UCMA: variants seen among roughly 807,000 people sequenced by gnomAD.
The protein encoded by UCMA is upper zone of growth plate and cartilage matrix-associated protein.
A neutral mutation model predicts 21.8 loss-of-function variants in UCMA; 21 were observed. The observed-to-expected ratio is 0.97, with a 90% confidence interval of 0.68 to 1.39. The LOEUF (loss-of-function observed/expected upper bound fraction) is 1.39, where lower values mean the gene tolerates loss of function less well. UCMA is among the 40% of genes most tolerant of loss of function. The probability of loss-of-function intolerance (pLI) is 0.00; values close to 1 mark genes in which losing one functional copy is unlikely to be tolerated. For synonymous variants in UCMA, 76 were observed against 67.9 expected (o/e 1.12, Z -0.58); for missense variants, 193 against 178.9 (o/e 1.08, Z -0.45).
At chr10:13,234,061 G>T in intron 1 of UCMA, 140 bp downstream of exon 1, 3 of 719,984 alleles carry the variant, frequency 4.2e-6, no homozygotes, top group African/African-American at 1.8e-5. Context: ...TGTCCTACAT[G>T]CACACGACAC....
Position 13,222,215 on chromosome 10 carries a change from C to G in UCMA, c.320-15G>C, listed in dbSNP as rs1834767393. The G allele has an allele frequency of 1.2e-6, 2 of 1,612,482 alleles. No homozygotes were observed. The highest frequency in any genetic ancestry group is 1.7e-6 in the Non-Finnish European group (2 of 1,179,420). On this transcript the variant is annotated splice_polypyrimidine_tract_variant and intron_variant, in intron 4 of 4. Transcript: ENST00000378681. Reference sequence around the variant, plus strand: ...CTCTTCCTGCTCTGGGGAGGAAAGACAAAGCCACCTGTTAGGACAGGGGGA... The same window carrying G: ...CTCTTCCTGCTCTGGGGAGGAAAGAGAAAGCCACCTGTTAGGACAGGGGGA...
intron 3 of UCMA, among the ~76,000 whole-genome samples, chr10:13,231,045 TTAAAA>T (rs1432083904): frequency 2.1e-5 from 3 of 140,270 alleles, no homozygotes; most frequent in African/African-American, 8.0e-5. Context: ...AGACTCTGTC[TTAAAA>T]TAAATAAATA....
chr10:13,232,160 G>C (rs182085178), intron 3 of UCMA, among the ~76,000 whole-genome samples: 65 of 152,094 alleles, frequency 4.3e-4, no homozygotes, highest in African/African-American at 1.5e-3. Flanking sequence ...GGTCACCTGA[G>C]TTCAGGAGTT....
chr10:13,228,656 G>C (rs1834856719), intron 4 of UCMA, among the ~76,000 whole-genome samples: 1 of 152,144 alleles, frequency 6.6e-6, no homozygotes, highest in South Asian at 2.1e-4. Flanking sequence ...CTGGAGCCAG[G>C]ACATTGACGT....
chr10:13,228,276 A>G (rs1018285940), intron 4 of UCMA, among the ~76,000 whole-genome samples: 7 of 152,052 alleles, frequency 4.6e-5, no homozygotes, highest in Non-Finnish European at 7.4e-5. Context: ...TCGCTAGGCT[A>G]GTCTCAAACT....
At chr10:13,233,889 C>A in intron 1 of UCMA, 89 bp from the exon 2 acceptor site, 1 of 1,536,736 alleles carries the variant, frequency 6.5e-7, no homozygotes, top group Non-Finnish European at 8.8e-7. Context: ...CCAGGCTAAG[C>A]GTCCTGCCAG....
chr10:13,231,650 G>A (rs1379994624), intron 3 of UCMA, among the ~76,000 whole-genome samples: 1 of 152,198 alleles, frequency 6.6e-6, no homozygotes, highest in Non-Finnish European at 1.5e-5. Context: ...TCACAAATTA[G>A]AGCTTTGACG....
intron 3 of UCMA, among the ~76,000 whole-genome samples, chr10:13,231,938 G>A (rs367725499): frequency 7.2e-5 from 11 of 152,142 alleles, no homozygotes; most frequent in African/African-American, 2.7e-4. Flanking sequence ...TTGACTGGGT[G>A]ACAGCAGATG....
intron 3 of UCMA, among the ~76,000 whole-genome samples, chr10:13,231,036 G>A (rs1245850374): frequency 6.6e-6 from 1 of 150,862 alleles, no homozygotes. Flanking sequence ...AACAGAGCGA[G>A]ACTCTGTCTT....
In UCMA at chr10:13,229,717, A is replaced by G. The variant is rs769398936; in HGVS notation, c.221-8T>C. ...GCTTCTGCCTGTTTTCCACTGTGAA[A>G]GGAAAAGAAGCAAGAGTTGCCCCTC... On this transcript the variant is annotated splice_polypyrimidine_tract_variant and splice_region_variant and intron_variant, in intron 3 of 4. Coordinates refer to ENST00000378681, the MANE Select transcript of UCMA (RefSeq NM_145314.3). 8.1e-6 allele frequency: 13 copies of G among 1,613,354 alleles called. No homozygotes were observed. In the East Asian group the frequency reaches 2.7e-4, roughly 33 times the overall value.
chr10:13,223,395 T>C (rs541815006), intron 4 of UCMA, among the ~76,000 whole-genome samples: 1 of 152,040 alleles, frequency 6.6e-6, no homozygotes, highest in Non-Finnish European at 1.5e-5. Context: ...ATAAACAAAA[T>C]GTGGTGTGTA....
chr10:13,226,764 G>A (rs1834828325), intron 4 of UCMA, among the ~76,000 whole-genome samples: 2 of 152,118 alleles, frequency 1.3e-5, no homozygotes, highest in South Asian at 4.2e-4. Flanking sequence ...ATTCCCCAAA[G>A]GCCTGTGTTT....
chr10:13,226,799 A>G (rs1588489267), intron 4 of UCMA, among the ~76,000 whole-genome samples: 1 of 152,318 alleles, frequency 6.6e-6, no homozygotes, highest in East Asian at 1.9e-4. Flanking sequence ...GGTGAGACCT[A>G]GGGTCTCCTG....
At chr10:13,227,536 A>C (rs1024080711) in intron 4 of UCMA, among the ~76,000 whole-genome samples, 9 of 151,944 alleles carry the variant, frequency 5.9e-5, no homozygotes, top group Non-Finnish European at 8.8e-5. Context: ...TGGCCAACAT[A>C]GTAAATCCCC....
chr10:13,230,737 A>G (rs1253014785), intron 3 of UCMA, among the ~76,000 whole-genome samples: 3 of 152,150 alleles, frequency 2.0e-5, no homozygotes, highest in Non-Finnish European at 2.9e-5. Flanking sequence ...GAAACAAGGA[A>G]AAGTCTTTGC....
chr10:13,233,839 A>C, intron 1 of UCMA, 39 bp from the exon 2 acceptor site: 2 of 1,602,232 alleles, frequency 1.2e-6, no homozygotes, highest in Non-Finnish European at 1.7e-6. Flanking sequence ...GCAGCATCAG[A>C]GGGGAGCCCA....
chr10:13,222,249 T>G (rs1448491516), intron 4 of UCMA, 49 bp from the exon 5 acceptor site: 1 of 1,564,146 alleles, frequency 6.4e-7, no homozygotes, highest in Non-Finnish European at 8.8e-7. Context: ...GACTCTGACC[T>G]GCCACTGAGC....
chr10:13,233,788 C>T lies in UCMA; in HGVS notation c.71G>A (p.Gly24Glu), dbSNP rs1834933215. 8 of 1,613,844 alleles carry T rather than the reference C, an allele frequency of 5.0e-6. No homozygotes were observed. The highest frequency in any genetic ancestry group is 6.8e-6 in the Non-Finnish European group (8 of 1,179,996). The change falls in exon 2 of 5, where the codon GGA becomes GAA. Residue 24 changes from glycine to glutamate, a missense_variant. Transcript: ENST00000378681. ...CATGGTGCCCACAGATACACTGGTT[C>T]CCTCTCTCAGCACTGCAGGACAAGG... ...AVVLLSMLRE[G>E]TSVSVGTMQM...
chr10:13,233,571 T>G lies in UCMA; in HGVS notation c.187A>C (p.Lys63Gln), dbSNP rs778372511. 9 of 1,614,050 alleles carry G rather than the reference T, an allele frequency of 5.6e-6. No homozygotes were observed. The highest frequency in any genetic ancestry group is 3.3e-5 in the South Asian group (3 of 91,082). Residue 63 changes from lysine (K) to glutamine (Q), a missense_variant, in exon 3 of 5, where the codon AAG (lysine) becomes CAG (glutamine). Lys to Gln is a moderately conservative substitution (Grantham distance 53). Coordinates refer to ENST00000378681, the MANE Select transcript of UCMA (RefSeq NM_145314.3). The stretch of plus-strand genomic sequence containing the variant: ...TCATCTCTGGACTTGGGGGACCGCT[T>G]GCCGCGCCTCTTGAGGAAATTCGAG... The part of the protein sequence containing the change: ...DASNFLKRRG[K>Q]RSPKSRDEVN...
Sources: allele counts gnomAD v4.1 joint callset (sites outside exome capture counted in the v4.1 genomes callset), GRCh38; gene constraint gnomAD v4.1.1; transcripts MANE v1.5; gene names NCBI Gene and HGNC (gene_info 2026-07-23, HGNC 2026-07-21).